The following HECTD4 variants were observed in gnomAD, a reference collection of about 807,000 sequenced individuals.
HECTD4 encodes the protein probable E3 ubiquitin-protein ligase HECTD4.
In HECTD4, 114 loss-of-function variants were observed where a neutral mutation model predicts 471.5. The ratio of observed to expected loss-of-function variants is 0.24; its 90% CI spans 0.21 to 0.28. HECTD4 has a LOEUF of 0.28. Among genes scored for constraint, HECTD4 ranks in the 10% least tolerant of loss-of-function variants. The probability of loss-of-function intolerance (pLI) is 1.00; values close to 1 mark genes in which losing one functional copy is unlikely to be tolerated. For missense variants in HECTD4, 3,866 were observed against 5,651.5 expected, an observed-to-expected ratio of 0.68 and a Z score of 10.13; for synonymous variants, 2,012 against 2,256.0, an observed-to-expected ratio of 0.89 and a Z score of 3.07.
chr12:112,167,729 G>T, intron 71 of HECTD4, 85 bp downstream of exon 71: 1 of 1,286,736 alleles, frequency 7.8e-7, no homozygotes. Flanking sequence ...GTTTGGCTTT[G>T]ATGAGACACA....
At chr12:112,312,161 T>C (rs1281371324) in intron 4 of HECTD4, among the ~76,000 whole-genome samples, 2 of 152,248 alleles carry the variant, frequency 1.3e-5, no homozygotes, top group Admixed American at 1.3e-4. Context: ...CACCAGTTTC[T>C]TAGAGACTCA....
At chr12:112,263,077 T>A (rs977296890) in intron 17 of HECTD4, among the ~76,000 whole-genome samples, 1 of 147,240 alleles carries the variant, frequency 6.8e-6, no homozygotes, top group Non-Finnish European at 1.5e-5. Context: ...CAGGGCTTGT[T>A]GTTAATACAG....
At chr12:112,311,340 C>A (rs1414763456) in intron 4 of HECTD4, among the ~76,000 whole-genome samples, 1 of 151,348 alleles carries the variant, frequency 6.6e-6, no homozygotes, top group Non-Finnish European at 1.5e-5. Flanking sequence ...CTCGCACCTA[C>A]AATCCTGGCA....
intron 61 of HECTD4, among the ~76,000 whole-genome samples, chr12:112,183,915 G>C (rs1027069001): frequency 1.3e-5 from 2 of 152,204 alleles, no homozygotes; most frequent in Non-Finnish European, 2.9e-5. Flanking sequence ...AGATGCGATG[G>C]GGCTGAGTCA....
At position 112,243,539 on chromosome 12, in the gene HECTD4, ACACC is replaced by A. The variant is rs2033687872; in HGVS notation, c.4792-24_4792-21del. On this transcript the variant is annotated intron_variant, in intron 31 of 75. Transcript: ENST00000682272. This position sits in a 1 kb window ranked among gnomAD's most constrained non-coding sequence, Gnocchi z 6.6. ...GGACACCTGAAACACACAAGGAGGG[ACACC>A]TGACTCCTGCTAACTGCCGCAAGAC... is the stretch of plus-strand genomic sequence containing the variant. 1 of 1,602,552 alleles carries A rather than the reference ACACC, an allele frequency of 6.2e-7. No homozygotes were observed. The highest frequency in any genetic ancestry group is 8.5e-7 in the Non-Finnish European group (1 of 1,174,316).
chr12:112,371,429 G>T (rs921464111), intron 1 of HECTD4, among the ~76,000 whole-genome samples: 1 of 152,042 alleles, frequency 6.6e-6, no homozygotes, highest in African/African-American at 2.4e-5. Flanking sequence ...TACAAAGCTA[G>T]CTGGGCATGG....
At chr12:112,230,594 T>C in intron 40 of HECTD4, 93 bp downstream of exon 40, 1 of 1,432,758 alleles carries the variant, frequency 7.0e-7, no homozygotes, top group Non-Finnish European at 9.3e-7. Context: ...TTTGGAAAAT[T>C]TCTCTTTACT....
In HECTD4 at chr12:112,163,590, C is replaced by A; in HGVS notation, c.12849G>T (p.Met4283Ile). The change falls in exon 74 of 76, where the codon ATG (methionine) becomes ATT (isoleucine). Residue 4283 changes from methionine (M) to isoleucine (I), a missense_variant. Met to Ile is a conservative substitution (Grantham distance 10, BLOSUM62 1). Coordinates refer to ENST00000682272, the MANE Select transcript of HECTD4 (RefSeq NM_001388303.1). The surrounding 1 kb of genome is among the most constrained non-coding windows in gnomAD (Gnocchi z 8.2). ...AGGGGAGGCCGCAGGTGCGCAGCTCCATCTCCAGTGGGCTGAGCATGGTCA... is the reference window on the plus strand; with the variant it reads ...AGGGGAGGCCGCAGGTGCGCAGCTCAATCTCCAGTGGGCTGAGCATGGTCA... ...QLLTMLSPLE[M>I]ELRTCGLPYI... The A allele has an allele frequency of 6.6e-7, 1 of 1,520,840 alleles. No homozygotes were observed. Among genetic ancestry groups the A allele is most frequent in the Non-Finnish European group, 8.8e-7 (1 of 1,134,334 alleles). The allele number at this position is 1,520,840 out of a possible 1,614,324, so 94.2% of individuals were successfully genotyped here.
At chr12:112,271,597 C>G (rs138107175) in intron 11 of HECTD4, among the ~76,000 whole-genome samples, 17 of 152,270 alleles carry the variant, frequency 1.1e-4, no homozygotes, top group African/African-American at 3.6e-4. Flanking sequence ...TTCTATTCTG[C>G]AAATGTGTGA....
At chr12:112,202,754 CTT>C (rs1361076436) in intron 54 of HECTD4, among the ~76,000 whole-genome samples, 1 of 152,136 alleles carries the variant, frequency 6.6e-6, no homozygotes, top group East Asian at 1.9e-4. Context: ...ACAGGAGTCT[CTT>C]TTCAAAAGAA....
intron 9 of HECTD4, among the ~76,000 whole-genome samples, chr12:112,276,645 C>G (rs542600039): frequency 6.6e-6 from 1 of 152,272 alleles, no homozygotes; most frequent in Non-Finnish European, 1.5e-5. Flanking sequence ...TGGGGTTTCA[C>G]CACGTTGGCC....
chr12:112,343,593 G>C (rs2036090254), intron 1 of HECTD4, among the ~76,000 whole-genome samples: 1 of 152,040 alleles, frequency 6.6e-6, no homozygotes, highest in South Asian at 2.1e-4. Context: ...AACACGGCAA[G>C]ACCTCACCTC....
chr12:112,164,623 CTTT>C (rs1167611597), intron 72 of HECTD4, among the ~76,000 whole-genome samples: 1 of 143,550 alleles, frequency 7.0e-6, no homozygotes. Flanking sequence ...ATTATGCTTG[CTTT>C]TTTTTTTTTT....
chr12:112,250,426 T>C lies in HECTD4; in HGVS notation c.3717-49A>G, dbSNP rs148754240. The C allele has an allele frequency of 1.5e-3, 2,010 of 1,339,132 alleles. 42 individuals are homozygous for C. The Admixed American group carries it at 0.03, about 20-fold the overall frequency. 83.0% of individuals were successfully genotyped at this position (1,339,132 alleles called of 1,614,324 possible). A position where few individuals can be genotyped will look rare whatever the true frequency, so the allele number is the denominator to read the frequency against. The stretch of plus-strand genomic sequence containing the variant: ...TTCACTTCCTCTCTCAACAAGAGTA[T>C]TGGAAAGCTATTGGATGTTTGCAGA... On this transcript the variant is annotated intron_variant, in intron 24 of 75. Transcript: ENST00000682272.
chr12:112,205,006 G>A (rs761424367), intron 52 of HECTD4, among the ~76,000 whole-genome samples: 7 of 151,494 alleles, frequency 4.6e-5, no homozygotes, highest in African/African-American at 1.2e-4. Context: ...GGTGGCAGGC[G>A]CCTGTAAACC....
chr12:112,238,956 G>A, intron 34 of HECTD4, 96 bp downstream of exon 34: 2 of 1,182,822 alleles, frequency 1.7e-6, no homozygotes, highest in Non-Finnish European at 2.3e-6. Flanking sequence ...TCATTTAATA[G>A]AGGCTTTCTC....
intron 7 of HECTD4, among the ~76,000 whole-genome samples, chr12:112,295,138 GAA>G (rs1162788757): frequency 9.4e-6 from 1 of 106,596 alleles, no homozygotes. Context: ...AATCCCGTCT[GAA>G]AAAAAAAAAG....
intron 7 of HECTD4, chr12:112,301,797 G>C (rs2035170409): frequency 1.9e-6 from 1 of 524,920 alleles, no homozygotes; most frequent in East Asian, 4.4e-5. Context: ...TCTTCAGCTA[G>C]CTGTTTTTTT....
At chr12:112,204,099 G>T (rs1186929518) in intron 53 of HECTD4, among the ~76,000 whole-genome samples, 3 of 152,248 alleles carry the variant, frequency 2.0e-5, no homozygotes, top group Non-Finnish European at 2.9e-5. Context: ...CTGGAGTGCA[G>T]TGGTGTGATC....
Sources: gnomAD v4.1 joint callset for allele counts (sites outside exome capture counted in the v4.1 genomes callset) on GRCh38, gnomAD v4.1.1 for gene constraint, Gnocchi (gnomAD v3.1) non-coding constraint, MANE v1.5 for transcripts, NCBI Gene and HGNC (gene_info 2026-07-23, HGNC 2026-07-21) for gene names.